The following ELAVL2 variants were observed in gnomAD, a reference collection of about 807,000 sequenced individuals.
The protein encoded by ELAVL2 is ELAV-like protein 2.
Under a neutral mutation model 34.6 loss-of-function variants are expected in ELAVL2, and 4 were observed. That is an observed-to-expected ratio of 0.12 (90% CI 0.06 to 0.26). The LOEUF is 0.26. Among genes scored for constraint, ELAVL2 ranks in the 10% least tolerant of loss-of-function variants. The probability of loss-of-function intolerance (pLI) is 1.00; values close to 1 mark genes in which losing one functional copy is unlikely to be tolerated. For synonymous variants in ELAVL2, 193 were observed against 154.8 expected, an observed-to-expected ratio of 1.25 and a Z score of -1.83; for missense variants, 432 against 442.8, an observed-to-expected ratio of 0.98 and a Z score of 0.22.
chr9:23,716,153 CG>C (rs1192583219), intron 3 of ELAVL2, among the ~76,000 whole-genome samples: 1 of 84,714 alleles, frequency 1.2e-5, no homozygotes, highest in Admixed American at 1.7e-4. Flanking sequence ...CATCACACAC[CG>C]GGGCCTGTTG....
intron 1 of ELAVL2, among the ~76,000 whole-genome samples, chr9:23,810,072 A>G (rs987730398): frequency 6.6e-6 from 1 of 152,136 alleles, no homozygotes; most frequent in Non-Finnish European, 1.5e-5. Context: ...AACAGCCCTT[A>G]CAGATTATCT....
intron 2 of ELAVL2, among the ~76,000 whole-genome samples, chr9:23,734,141 T>C (rs2047263696): frequency 6.6e-6 from 1 of 152,166 alleles, no homozygotes; most frequent in Non-Finnish European, 1.5e-5. Context: ...CCTACCATCG[T>C]TGGTGTATTA....
intron 3 of ELAVL2, among the ~76,000 whole-genome samples, chr9:23,730,677 C>T (rs1340241329): frequency 6.6e-6 from 1 of 152,040 alleles, no homozygotes; most frequent in Non-Finnish European, 1.5e-5. Context: ...CAAAACCTTG[C>T]TTATTCACTA....
the ELAVL2 span, among the ~76,000 whole-genome samples, chr9:23,843,287 A>G: frequency 1.3e-5 from 2 of 152,202 alleles, no homozygotes; most frequent in South Asian, 4.1e-4. Context: ...CCTAAAAATG[A>G]ACACAGGGAA....
intron 2 of ELAVL2, among the ~76,000 whole-genome samples, chr9:23,743,801 G>C (rs1429014243): frequency 6.6e-6 from 1 of 152,130 alleles, no homozygotes; most frequent in African/African-American, 2.4e-5. Flanking sequence ...AACTTTTAAT[G>C]TGATGCTTTC....
chr9:23,794,821 G>A (rs2060720772), intron 1 of ELAVL2, among the ~76,000 whole-genome samples: 1 of 152,090 alleles, frequency 6.6e-6, no homozygotes. Flanking sequence ...GATAAAATAT[G>A]GCAGAGTATG....
At chr9:23,695,741 T>C (rs146012935) in intron 5 of ELAVL2, among the ~76,000 whole-genome samples, 2 of 152,222 alleles carry the variant, frequency 1.3e-5, no homozygotes, top group African/African-American at 2.4e-5. Flanking sequence ...TATCTAAACA[T>C]AGAAAAGGTA....
At chr9:23,835,612 A>G in the ELAVL2 span, among the ~76,000 whole-genome samples, 4 of 152,182 alleles carry the variant, frequency 2.6e-5, no homozygotes, top group Admixed American at 6.5e-5. Context: ...AACAAAATGT[A>G]TAACTAATGT....
intron 1 of ELAVL2, among the ~76,000 whole-genome samples, chr9:23,785,755 G>A (rs1027120812): frequency 2.6e-5 from 4 of 152,194 alleles, no homozygotes; most frequent in Non-Finnish European, 4.4e-5. Context: ...CATATGACCA[G>A]CTCCAGTCTG....
chr9:23,724,404 TA>T (rs1270708174), intron 3 of ELAVL2, among the ~76,000 whole-genome samples: 1 of 152,156 alleles, frequency 6.6e-6, no homozygotes. Context: ...TGGAGTTGGC[TA>T]AAAGGAACAG....
Position 23,790,068 on chromosome 9 carries a change from GA to G in ELAVL2, c.-15-27820del, listed in dbSNP as rs375245508. Among the ~76,000 whole-genome samples, 793 of 140,900 alleles carry G rather than the reference GA, an allele frequency of 5.6e-3. 7 individuals are homozygous for G. The highest frequency in any genetic ancestry group is 0.017 in the African/African-American group (673 of 38,648). 92.4% of individuals were successfully genotyped at this position (140,900 alleles called of 152,430 possible). On this transcript the variant is annotated intron_variant, in intron 1 of 6. Coordinates refer to ENST00000397312, the MANE Select transcript of ELAVL2 (RefSeq NM_004432.5). ...ATGACAGGTTGATGGTAAAAAAGGGGAAAAAAAAAAAACAACCTTTCAACAA... is the reference window on the plus strand; with the variant it reads ...ATGACAGGTTGATGGTAAAAAAGGGGAAAAAAAAAAACAACCTTTCAACAA...
At chr9:23,830,326 T>C (rs1387254157), upstream of ELAVL2, 1 of 152,088 alleles carries the variant, frequency 6.6e-6, no homozygotes, top group African/African-American at 2.4e-5. Flanking sequence ...TTGCAAACAC[T>C]TTCGTTAGGG....
At chr9:23,732,006 C>A (rs2046692488) in intron 2 of ELAVL2, among the ~76,000 whole-genome samples, 1 of 152,108 alleles carries the variant, frequency 6.6e-6, no homozygotes, top group Non-Finnish European at 1.5e-5. Flanking sequence ...TCGCAATGGT[C>A]TCAACTTTTC....
intron 3 of ELAVL2, among the ~76,000 whole-genome samples, chr9:23,716,202 T>C (rs923460448): frequency 6.6e-6 from 1 of 151,044 alleles, no homozygotes; most frequent in Admixed American, 6.6e-5. Context: ...CATTAGGAGA[T>C]ATACCTAATG....
chr9:23,802,091 G>A (rs552186405), intron 1 of ELAVL2, among the ~76,000 whole-genome samples: 2 of 152,232 alleles, frequency 1.3e-5, no homozygotes, highest in South Asian at 4.1e-4. Flanking sequence ...CACATCCTGG[G>A]TACCATTTAG....
upstream of ELAVL2, among the ~76,000 whole-genome samples, chr9:23,831,265 G>A (rs1341136266): frequency 1.3e-5 from 2 of 152,110 alleles, no homozygotes; most frequent in African/African-American, 4.8e-5. Context: ...GAGCCATCCA[G>A]GGCGCTCCGC....
chr9:23,743,230 C>T (rs916124031), intron 2 of ELAVL2, among the ~76,000 whole-genome samples: 1 of 152,114 alleles, frequency 6.6e-6, no homozygotes, highest in African/African-American at 2.4e-5. Context: ...ACTCTGAGAC[C>T]ACAGGGCAAC....
intron 1 of ELAVL2, among the ~76,000 whole-genome samples, chr9:23,817,710 T>C (rs780518628): frequency 1.3e-5 from 2 of 152,274 alleles, no homozygotes; most frequent in African/African-American, 4.8e-5. Flanking sequence ...CTTCTAGCCT[T>C]ACTAAAATGA....
chr9:23,700,602 G>A (rs528625590), intron 5 of ELAVL2, among the ~76,000 whole-genome samples: 9 of 152,264 alleles, frequency 5.9e-5, no homozygotes, highest in Admixed American at 3.3e-4. Flanking sequence ...TATAAGCTAA[G>A]AATGGCTTTT....
Sources: gnomAD v4.1 joint callset for allele counts (sites outside exome capture counted in the v4.1 genomes callset) on GRCh38, gnomAD v4.1.1 for gene constraint, MANE v1.5 for transcripts, NCBI Gene and HGNC (gene_info 2026-07-23, HGNC 2026-07-21) for gene names.